PRKN: variants seen among roughly 807,000 people sequenced by gnomAD.
The protein encoded by PRKN is E3 ubiquitin-protein ligase parkin.
PRKN carries 56 observed loss-of-function variants against 59.5 expected under a neutral mutation model. The observed-to-expected ratio is 0.94, with a 90% CI of 0.76 to 1.18. PRKN has a LOEUF of 1.18. PRKN is among the 50% of genes most tolerant of loss of function. PRKN has a pLI of 0.00. For missense variants in PRKN, 657 were observed against 596.4 expected (o/e 1.10, Z -1.06); for synonymous variants, 250 against 222.1 (o/e 1.13, Z -1.12).
At position 161,447,171 on chromosome 6, in the gene PRKN, C is replaced by T. The variant is rs908915673; in HGVS notation, c.1084-60294G>A. Among the ~76,000 whole-genome samples, 3 of 152,202 alleles carry T rather than the reference C, an allele frequency of 2.0e-5. No individual in the cohort carries two copies. The highest frequency in any genetic ancestry group is 7.2e-5 in the African/African-American group (3 of 41,460). ...CTGCTACTAGGACAGTTAAGTCCCCCTGTGAAGTTAACCGAAAGCTGCTTT... is the reference window on the plus strand; with the variant it reads ...CTGCTACTAGGACAGTTAAGTCCCCTTGTGAAGTTAACCGAAAGCTGCTTT... On this transcript the variant is annotated intron_variant, in intron 9 of 11. Coordinates refer to ENST00000366898, the MANE Select transcript of PRKN (RefSeq NM_004562.3). This position sits in a 1 kb window ranked among gnomAD's most constrained non-coding sequence, Gnocchi z 4.1.
intron 9 of PRKN, among the ~76,000 whole-genome samples, chr6:161,537,703 A>C (rs12526090): frequency 3.3e-5 from 5 of 152,014 alleles, no homozygotes; most frequent in East Asian, 1.9e-4. Context: ...CGCCCGCCTT[A>C]GCCTCCCAAA....
At chr6:161,728,776 C>T (rs1435276250) in intron 7 of PRKN, among the ~76,000 whole-genome samples, 3 of 152,126 alleles carry the variant, frequency 2.0e-5, no homozygotes, top group Non-Finnish European at 2.9e-5. Context: ...GCAAAACCAC[C>T]GTATGAGTTC....
At chr6:161,827,509 CTT>C (rs5881438) in intron 6 of PRKN, among the ~76,000 whole-genome samples, 10 of 124,902 alleles carry the variant, frequency 8.0e-5, no homozygotes, top group Non-Finnish European at 4.8e-5. Context: ...ATTGATTTTA[CTT>C]TTTTTTTTTT....
chr6:162,347,940 C>G (rs1418356382), intron 2 of PRKN, among the ~76,000 whole-genome samples: 1 of 152,124 alleles, frequency 6.6e-6, no homozygotes. Context: ...AGGCTGGGGC[C>G]TAAGGCTAAA....
intron 1 of PRKN, among the ~76,000 whole-genome samples, chr6:162,707,748 T>A (rs947043809): frequency 2.6e-5 from 4 of 152,178 alleles, no homozygotes; most frequent in Admixed American, 2.6e-4. Flanking sequence ...CTAATTTTTA[T>A]ATTTTTAGTA....
chr6:162,600,342 G>C (rs1781655181), intron 1 of PRKN, among the ~76,000 whole-genome samples: 2 of 152,132 alleles, frequency 1.3e-5, no homozygotes, highest in Admixed American at 1.3e-4. Flanking sequence ...CCCATGATTT[G>C]ATTGTGCCAC....
At chr6:161,979,715 C>T (rs371854811) in intron 5 of PRKN, among the ~76,000 whole-genome samples, 6 of 152,142 alleles carry the variant, frequency 3.9e-5, no homozygotes, top group African/African-American at 1.4e-4. Flanking sequence ...CATCATAACT[C>T]ACTTGCCCTC....
At chr6:161,516,826 C>CAAAAAAAAAAAAAAAAAAAAAAA (rs369136348) in intron 9 of PRKN, among the ~76,000 whole-genome samples, 4 of 63,208 alleles carry the variant, frequency 6.3e-5, no homozygotes, top group Non-Finnish European at 8.4e-5. Context: ...GACTCAATCT[C>CAAAAAAAAAAAAAAAAAAAAAAA]AAAAAAAAAA....
chr6:161,534,547 C>T (rs898878039), intron 9 of PRKN, among the ~76,000 whole-genome samples: 4 of 152,202 alleles, frequency 2.6e-5, no homozygotes, highest in African/African-American at 9.6e-5. Context: ...CAAGGTGATG[C>T]GGAAACTGGG....
chr6:162,665,764 T>C (rs530116769), intron 1 of PRKN, among the ~76,000 whole-genome samples: 1 of 152,318 alleles, frequency 6.6e-6, no homozygotes, highest in East Asian at 1.9e-4. Flanking sequence ...GACATCATGC[T>C]ACCTGACTTC....
At chr6:162,094,059 C>A (rs1476767081) in intron 4 of PRKN, among the ~76,000 whole-genome samples, 1 of 152,138 alleles carries the variant, frequency 6.6e-6, no homozygotes, top group Non-Finnish European at 1.5e-5. Flanking sequence ...GGCAGTGGTT[C>A]CATTTGTCTG....
At chr6:162,561,907 C>T (rs1779860447) in intron 1 of PRKN, among the ~76,000 whole-genome samples, 2 of 152,070 alleles carry the variant, frequency 1.3e-5, no homozygotes, top group South Asian at 4.1e-4. Flanking sequence ...GAACTAGGCC[C>T]AGAGACAGTG....
intron 2 of PRKN, among the ~76,000 whole-genome samples, chr6:162,404,063 T>C (rs1256526189): frequency 1.3e-5 from 2 of 152,148 alleles, no homozygotes; most frequent in African/African-American, 4.8e-5. Context: ...TGCTGCTTCA[T>C]CTGTCAGTTT....
At chr6:161,890,492 G>C (rs902623102) in intron 6 of PRKN, among the ~76,000 whole-genome samples, 1 of 152,196 alleles carries the variant, frequency 6.6e-6, no homozygotes, top group African/African-American at 2.4e-5. Flanking sequence ...TATGCGTTCA[G>C]AAAAGCTCAC....
At chr6:162,611,980 T>C (rs909609042) in intron 1 of PRKN, among the ~76,000 whole-genome samples, 2 of 149,170 alleles carry the variant, frequency 1.3e-5, no homozygotes, top group African/African-American at 5.0e-5. Context: ...GGTCAGGAGA[T>C]CGAGACCATC....
chr6:162,720,612 G>A (rs930577045), intron 1 of PRKN, among the ~76,000 whole-genome samples: 51 of 151,444 alleles, frequency 3.4e-4, no homozygotes, highest in Admixed American at 7.2e-4. Context: ...CACCGCGCCC[G>A]GCTAATTTTT....
rs1050833911 is a variant in PRKN at position 162,692,131 on chromosome 6, T to C, written c.7+35531A>G. On this transcript the variant is annotated intron_variant, in intron 1 of 11. Transcript: ENST00000366898. Reference sequence around the variant, plus strand: ...TGCCTATGCCTGCACAATGTGCACATGTACCCTAAAACTTAAAGTATAATA... The same window carrying C: ...TGCCTATGCCTGCACAATGTGCACACGTACCCTAAAACTTAAAGTATAATA... Among the ~76,000 whole-genome samples the C allele has an allele frequency of 1.1e-4, 17 of 150,208 alleles. No individual in the cohort carries two copies. In the Admixed American group the frequency reaches 1.1e-3, roughly 10 times the overall value.
chr6:162,043,680 T>C (rs1041406056), intron 5 of PRKN, among the ~76,000 whole-genome samples: 1 of 152,230 alleles, frequency 6.6e-6, no homozygotes, highest in African/African-American at 2.4e-5. Flanking sequence ...TCACTTTACA[T>C]AGTAACCCAT....
chr6:162,220,941 A>T (rs1472144089), intron 3 of PRKN, among the ~76,000 whole-genome samples: 1 of 152,214 alleles, frequency 6.6e-6, no homozygotes, highest in Non-Finnish European at 1.5e-5. Context: ...GTATTGAGCT[A>T]AATTATCCTG....
Sources: gnomAD v4.1 joint callset for allele counts (sites outside exome capture counted in the v4.1 genomes callset) on GRCh38, gnomAD v4.1.1 for gene constraint, Gnocchi (gnomAD v3.1) non-coding constraint, MANE v1.5 for transcripts, NCBI Gene and HGNC (gene_info 2026-07-23, HGNC 2026-07-21) for gene names.